DPP10: variants seen among roughly 807,000 people sequenced by gnomAD.
The protein encoded by DPP10 is inactive dipeptidyl peptidase 10.
Under a neutral mutation model 120.9 loss-of-function variants are expected in DPP10, and 33 were observed. The ratio of observed to expected loss-of-function variants is 0.27; its 90% CI spans 0.21 to 0.37. The LOEUF (loss-of-function observed/expected upper bound fraction) is 0.37. Ranked by LOEUF, DPP10 falls within the 10% of genes least tolerant of loss-of-function variation. DPP10 has a pLI of 1.00. For missense variants in DPP10, 816 were observed against 942.8 expected (o/e 0.87, Z 1.76); for synonymous variants, 337 against 326.1 (o/e 1.03, Z -0.36).
intron 5 of DPP10, among the ~76,000 whole-genome samples, chr2:115,565,194 T>C (rs2080924803): frequency 6.6e-6 from 1 of 152,342 alleles, no homozygotes; most frequent in Admixed American, 6.5e-5. Context: ...ATTTTTGTTT[T>C]ATATGTTTTG....
chr2:115,742,709 G>C (rs1235637317), intron 9 of DPP10, among the ~76,000 whole-genome samples: 5 of 151,980 alleles, frequency 3.3e-5, no homozygotes, highest in African/African-American at 1.2e-4. Flanking sequence ...AGTTTTTGCT[G>C]TAACAAATGT....
intron 1 of DPP10, among the ~76,000 whole-genome samples, chr2:115,083,411 T>C (rs1186317736): frequency 1.3e-5 from 2 of 152,200 alleles, no homozygotes; most frequent in African/African-American, 4.8e-5. Flanking sequence ...TGCGTTCTTC[T>C]CTGCCATCTG....
chr2:115,033,692 CCCT>C (rs1266057693), intron 1 of DPP10, among the ~76,000 whole-genome samples: 1 of 89,284 alleles, frequency 1.1e-5, no homozygotes, highest in Non-Finnish European at 2.2e-5. Flanking sequence ...GCAATATCTT[CCCT>C]CCTTTTTTTT....
intron 1 of DPP10, among the ~76,000 whole-genome samples, chr2:115,005,202 C>A (rs1378066667): frequency 6.6e-6 from 1 of 152,116 alleles, no homozygotes; most frequent in Non-Finnish European, 1.5e-5. Flanking sequence ...GACATCCACA[C>A]CAAAAACCCT....
At chr2:115,484,450 C>G (rs181727542) in intron 3 of DPP10, among the ~76,000 whole-genome samples, 1 of 152,018 alleles carries the variant, frequency 6.6e-6, no homozygotes, top group Non-Finnish European at 1.5e-5. Flanking sequence ...AGGTTTGTGC[C>G]TAATTAGCAC....
chr2:114,815,492 G>A (rs942186822), intron 1 of DPP10, among the ~76,000 whole-genome samples: 1 of 152,168 alleles, frequency 6.6e-6, no homozygotes, highest in African/African-American at 2.4e-5. Flanking sequence ...TTACAATCAT[G>A]TCTGCTTCAT....
intron 16 of DPP10, 83 bp downstream of exon 16, chr2:115,781,078 C>G: frequency 3.5e-6 from 4 of 1,134,976 alleles, no homozygotes; most frequent in Non-Finnish European, 4.8e-6. Flanking sequence ...AACTATTACT[C>G]TAGATGATTT....
Position 114,579,003 on chromosome 2 carries a change from C to T in DPP10, c.60+136165C>T, listed in dbSNP as rs143035861. Among the ~76,000 whole-genome samples, 34 of 152,286 alleles carry T rather than the reference C, an allele frequency of 2.2e-4. 1 individual carries two copies. The highest frequency in any genetic ancestry group is 7.7e-4 in the African/African-American group (32 of 41,564). On this transcript the variant is annotated intron_variant, in intron 1 of 25. Coordinates refer to ENST00000410059, the MANE Select transcript of DPP10 (RefSeq NM_020868.6). ...CTTTCGTCATACTCTCTTTGCTACT[C>T]TCAAATTTGGTCACCCCACACTGGA...
intron 1 of DPP10, among the ~76,000 whole-genome samples, chr2:114,782,656 T>C (rs1682436031): frequency 6.6e-6 from 1 of 152,080 alleles, no homozygotes. Flanking sequence ...TAGGAATTCA[T>C]AGCATTCAAA....
chr2:115,079,468 C>T (rs1478411945), intron 1 of DPP10, among the ~76,000 whole-genome samples: 2 of 152,020 alleles, frequency 1.3e-5, no homozygotes, highest in East Asian at 1.9e-4. Context: ...TGCATGGGAA[C>T]GTTAGCAGAA....
At chr2:115,118,061 T>A (rs2049615755) in intron 1 of DPP10, among the ~76,000 whole-genome samples, 1 of 152,218 alleles carries the variant, frequency 6.6e-6, no homozygotes, top group South Asian at 2.1e-4. Flanking sequence ...CCAAAACCTA[T>A]CCCTTCTCTG....
chr2:115,337,871 T>G (rs2063238281), intron 2 of DPP10, among the ~76,000 whole-genome samples: 1 of 151,654 alleles, frequency 6.6e-6, no homozygotes, highest in South Asian at 2.1e-4. Context: ...AACAAAGAAA[T>G]GAATGAAGTA....
chr2:115,336,565 CTCTCTCTCTCTCTCTCTG>C (rs1457928342), intron 2 of DPP10, among the ~76,000 whole-genome samples: 1 of 63,912 alleles, frequency 1.6e-5, no homozygotes, highest in Admixed American at 1.8e-4. Flanking sequence ...TGTACTCTCT[CTCTCTCTCTCTCTCTCTG>C]TCTCTCTCTC....
At chr2:115,122,338 A>AG in intron 1 of DPP10, among the ~76,000 whole-genome samples, 1 of 152,288 alleles carries the variant, frequency 6.6e-6, no homozygotes, top group South Asian at 2.1e-4. Flanking sequence ...CATTCATCCA[A>AG]GGGGCTCTGG....
intron 1 of DPP10, among the ~76,000 whole-genome samples, chr2:114,960,381 T>TATAG (rs1553461492): frequency 1.3e-5 from 2 of 149,860 alleles, no homozygotes; most frequent in Non-Finnish European, 3.0e-5. Context: ...TATATATATA[T>TATAG]ATATACTTTT....
chr2:115,386,994 T>C (rs1283834498), intron 3 of DPP10, among the ~76,000 whole-genome samples: 1 of 152,116 alleles, frequency 6.6e-6, no homozygotes, highest in Non-Finnish European at 1.5e-5. Flanking sequence ...GCTAAACATA[T>C]ATATCTTAAG....
At chr2:115,289,249 C>T (rs2060538369) in intron 1 of DPP10, among the ~76,000 whole-genome samples, 1 of 151,864 alleles carries the variant, frequency 6.6e-6, no homozygotes, top group Admixed American at 6.6e-5. Flanking sequence ...TGAATGATCT[C>T]CACAAGGAAA....
chr2:114,973,085 A>G (rs766359350), intron 1 of DPP10, among the ~76,000 whole-genome samples: 12 of 152,188 alleles, frequency 7.9e-5, no homozygotes, highest in Non-Finnish European at 1.3e-4. Flanking sequence ...TTGGTCAACA[A>G]CAAATTTCAT....
chr2:114,824,884 T>C (rs1463754350), intron 1 of DPP10, among the ~76,000 whole-genome samples: 1 of 152,068 alleles, frequency 6.6e-6, no homozygotes, highest in Non-Finnish European at 1.5e-5. Context: ...AGAGATACTG[T>C]TGTAGGTAAA....
Sources: gnomAD v4.1 joint callset for allele counts (sites outside exome capture counted in the v4.1 genomes callset) on GRCh38, gnomAD v4.1.1 for gene constraint, MANE v1.5 for transcripts, NCBI Gene and HGNC (gene_info 2026-07-23, HGNC 2026-07-21) for gene names.